The following FOXP2 variants were observed in gnomAD, a reference collection of about 807,000 sequenced individuals.
The protein encoded by FOXP2 is forkhead box P2.
Under a neutral mutation model 115.8 loss-of-function variants are expected in FOXP2, and 12 were observed. The ratio of observed to expected loss-of-function variants is 0.10; its 90% confidence interval spans 0.07 to 0.17. The LOEUF (loss-of-function observed/expected upper bound fraction) is 0.17. Ranked by LOEUF, FOXP2 falls within the 10% of genes least tolerant of loss-of-function variation. The probability of loss-of-function intolerance (pLI) is 1.00; values close to 1 mark genes in which losing one functional copy is unlikely to be tolerated. For missense variants in FOXP2, 629 were observed against 843.5 expected, an observed-to-expected ratio of 0.75 and a Z score of 3.15; for synonymous variants, 328 against 297.7, an observed-to-expected ratio of 1.10 and a Z score of -1.05.
intron 2 of FOXP2, among the ~76,000 whole-genome samples, chr7:114,291,579 G>GTGCA (rs1796591448): frequency 1.3e-5 from 2 of 151,652 alleles, no homozygotes; most frequent in Non-Finnish European, 2.9e-5. Context: ...TTTAGCTTAG[G>GTGCA]GTCTTAAAAG....
intron 1 of FOXP2, among the ~76,000 whole-genome samples, chr7:114,202,530 T>A (rs1481413823): frequency 1.3e-5 from 2 of 152,196 alleles, no homozygotes; most frequent in African/African-American, 4.8e-5. Context: ...ATCCTACATA[T>A]GTCACTTCAA....
At chr7:114,172,615 C>A (rs981463130) in intron 1 of FOXP2, among the ~76,000 whole-genome samples, 2 of 152,070 alleles carry the variant, frequency 1.3e-5, no homozygotes, top group Admixed American at 6.6e-5. Flanking sequence ...AGAAGATATA[C>A]ATGGGAACTC....
chr7:114,415,592 A>G (rs970156588), intron 1 of FOXP2, among the ~76,000 whole-genome samples: 17 of 151,954 alleles, frequency 1.1e-4, no homozygotes, highest in African/African-American at 2.9e-4. Context: ...AGCTATCACT[A>G]GTAAAGACAG....
At chr7:114,250,728 T>G (rs963305436) in intron 1 of FOXP2, among the ~76,000 whole-genome samples, 2 of 152,186 alleles carry the variant, frequency 1.3e-5, no homozygotes, top group Admixed American at 6.5e-5. Flanking sequence ...TTGCAAAAAT[T>G]TTCTCCCATT....
intron 2 of FOXP2, among the ~76,000 whole-genome samples, chr7:114,531,859 A>C (rs1372018379): frequency 6.6e-6 from 1 of 151,942 alleles, no homozygotes; most frequent in Non-Finnish European, 1.5e-5. Flanking sequence ...TTGATGAGCA[A>C]AACTTGTAAT....
At chr7:114,218,887 T>A (rs1794551565) in intron 1 of FOXP2, among the ~76,000 whole-genome samples, 1 of 152,146 alleles carries the variant, frequency 6.6e-6, no homozygotes, top group Non-Finnish European at 1.5e-5. Flanking sequence ...TTATATCAAA[T>A]CATGCTTGAT....
At chr7:114,200,670 G>A (rs1423220956) in intron 1 of FOXP2, among the ~76,000 whole-genome samples, 1 of 152,056 alleles carries the variant, frequency 6.6e-6, no homozygotes. Context: ...CCAAGAACTG[G>A]GAAGCAATGG....
chr7:114,368,292 A>G (rs1380465529), intron 2 of FOXP2, among the ~76,000 whole-genome samples: 1 of 152,188 alleles, frequency 6.6e-6, no homozygotes, highest in African/African-American at 2.4e-5. Flanking sequence ...ACTAACTGGT[A>G]TCACTATTTT....
At chr7:114,441,522 T>C (rs1339001193) in intron 2 of FOXP2, among the ~76,000 whole-genome samples, 1 of 152,150 alleles carries the variant, frequency 6.6e-6, no homozygotes, top group Non-Finnish European at 1.5e-5. Context: ...TTTAAATAAA[T>C]AATCACAGCT....
chr7:114,196,931 C>A (rs1234046417), intron 1 of FOXP2, among the ~76,000 whole-genome samples: 1 of 152,144 alleles, frequency 6.6e-6, no homozygotes, highest in Non-Finnish European at 1.5e-5. Flanking sequence ...GTTGCTCATG[C>A]CTATAATCCC....
chr7:114,536,584 A>G (rs1383372638), intron 3 of FOXP2, among the ~76,000 whole-genome samples: 2 of 151,356 alleles, frequency 1.3e-5, no homozygotes, highest in African/African-American at 4.8e-5. Context: ...AGAAGTGTCC[A>G]GTCTTGTTGT....
chr7:114,333,297 A>G (rs1285525885), intron 2 of FOXP2, among the ~76,000 whole-genome samples: 3 of 152,182 alleles, frequency 2.0e-5, no homozygotes, highest in African/African-American at 7.2e-5. Flanking sequence ...AGTTTGGAGA[A>G]GGAGGAATTT....
At chr7:114,112,427 A>G (rs1791295028) in intron 1 of FOXP2, among the ~76,000 whole-genome samples, 1 of 152,008 alleles carries the variant, frequency 6.6e-6, no homozygotes, top group South Asian at 2.1e-4. Flanking sequence ...CCTCCTGAGT[A>G]GCTGGGACTA....
chr7:114,127,237 A>G (rs146200251), intron 1 of FOXP2, among the ~76,000 whole-genome samples: 1 of 152,314 alleles, frequency 6.6e-6, no homozygotes, highest in African/African-American at 2.4e-5. Context: ...GAGTCAATAG[A>G]ATCTGCTAGC....
At chr7:114,468,883 C>T (rs1795923582) in intron 2 of FOXP2, among the ~76,000 whole-genome samples, 1 of 152,094 alleles carries the variant, frequency 6.6e-6, no homozygotes, top group Non-Finnish European at 1.5e-5. Context: ...ATTTCATTTA[C>T]TTAATGAAAA....
intron 1 of FOXP2, among the ~76,000 whole-genome samples, chr7:114,250,406 C>A (rs1227280984): frequency 1.3e-5 from 2 of 152,138 alleles, no homozygotes; most frequent in Non-Finnish European, 2.9e-5. Context: ...GTTTACAGTC[C>A]CACCAGCAGT....
rs1308357594 is a variant in FOXP2, at chr7:114,642,812, A to ATATATATATAT, written c.989+190_989+191insATATATATATT. Among the ~76,000 whole-genome samples the ATATATATATAT allele has an allele frequency of 3.2e-4, 23 of 72,416 alleles. 1 individual carries two copies. The highest frequency in any genetic ancestry group is 1.4e-3 in the African/African-American group (19 of 13,996). The allele number at this position is 72,416 out of a possible 152,430, so 47.5% of individuals were successfully genotyped here. The stretch of plus-strand genomic sequence containing the variant: ...TATATATATATATATATATATATAT[A>ATATATATATAT]TTTTTTTTTTTTTTTAGGCAGAGTC... On this transcript the variant is annotated intron_variant, in intron 7 of 16. Coordinates refer to ENST00000350908, the MANE Select transcript of FOXP2 (RefSeq NM_014491.4).
intron 3 of FOXP2, among the ~76,000 whole-genome samples, chr7:114,547,613 T>A (rs932247426): frequency 1.3e-5 from 2 of 152,008 alleles, no homozygotes; most frequent in African/African-American, 4.8e-5. Context: ...CAAAAAATTA[T>A]CTGGGCGTGG....
At chr7:114,327,232 C>T (rs1797578395) in intron 2 of FOXP2, among the ~76,000 whole-genome samples, 3 of 152,104 alleles carry the variant, frequency 2.0e-5, no homozygotes, top group Admixed American at 1.3e-4. Context: ...CTTCTGTTAG[C>T]CAGGTACTTA....
Sources: allele counts gnomAD v4.1 joint callset (sites outside exome capture counted in the v4.1 genomes callset), GRCh38; gene constraint gnomAD v4.1.1; transcripts MANE v1.5; gene names NCBI Gene and HGNC (gene_info 2026-07-23, HGNC 2026-07-21).